Variants in SEPTIN2 observed in about 807,000 individuals in gnomAD.
The protein encoded by SEPTIN2 is septin 2, also known as septin-2.
Under a neutral mutation model 46.5 loss-of-function variants are expected in SEPTIN2, and 34 were observed. The ratio of observed to expected loss-of-function variants is 0.73; its 90% CI spans 0.56 to 0.97. The LOEUF (loss-of-function observed/expected upper bound fraction) is 0.97. SEPTIN2 is among the 50% of genes least tolerant of loss of function. The pLI, the probability that SEPTIN2 is intolerant of heterozygous loss-of-function variation, is 0.00. For missense variants in SEPTIN2, 347 were observed against 448.4 expected (o/e 0.77, Z 2.04); for synonymous variants, 175 against 153.4 (o/e 1.14, Z -1.04).
intron 9 of SEPTIN2, among the ~76,000 whole-genome samples, chr2:241,344,166 TTTG>T (rs2081651239): frequency 6.6e-6 from 1 of 152,070 alleles, no homozygotes; most frequent in Non-Finnish European, 1.5e-5. Flanking sequence ...ATCTTACATC[TTTG>T]ATGTTAAAAG....
At chr2:241,332,380 A>G (rs756496823) in intron 3 of SEPTIN2, among the ~76,000 whole-genome samples, 2 of 152,244 alleles carry the variant, frequency 1.3e-5, no homozygotes, top group South Asian at 4.1e-4. Context: ...TAGACATTTC[A>G]CTAAGGAAGA....
chr2:241,342,904 C>G, intron 7 of SEPTIN2, 88 bp from the exon 8 acceptor site: 1 of 681,782 alleles, frequency 1.5e-6, no homozygotes, highest in South Asian at 1.9e-5. Flanking sequence ...GTATGATTTC[C>G]AATATATTTC....
intron 7 of SEPTIN2, among the ~76,000 whole-genome samples, chr2:241,338,938 A>G (rs1228688853): frequency 3.1e-5 from 3 of 96,584 alleles, no homozygotes; most frequent in South Asian, 2.6e-4. Flanking sequence ...TATATTTATT[A>G]TATATATTAT....
intron 9 of SEPTIN2, 139 bp downstream of exon 9, chr2:241,344,036 T>TCA: frequency 9.3e-7 from 1 of 1,072,324 alleles, no homozygotes; most frequent in Non-Finnish European, 1.4e-6. Flanking sequence ...ATCGCAGAAG[T>TCA]GGTGTGGGGC....
upstream of SEPTIN2, chr2:241,315,906 G>C (rs1223968090): frequency 6.6e-6 from 1 of 152,048 alleles, no homozygotes; most frequent in Non-Finnish European, 1.5e-5. Context: ...GGGCTGGGGC[G>C]GGCTGTGAGC....
At chr2:241,316,357 C>A in intron 1 of SEPTIN2, 1 of 733,380 alleles carries the variant, frequency 1.4e-6, no homozygotes, top group Non-Finnish European at 2.1e-6. Context: ...CAGGTTTAGG[C>A]CCGACAAACA....
At chr2:241,324,386 GTCT>G (rs1559600045) in intron 2 of SEPTIN2, 145 bp downstream of exon 2, 1 of 519,160 alleles carries the variant, frequency 1.9e-6, no homozygotes. Flanking sequence ...TAATTTAGTT[GTCT>G]TTTTTTTTTT....
chr2:241,316,375 C>T (rs974466874), intron 1 of SEPTIN2: 6 of 863,514 alleles, frequency 6.9e-6, no homozygotes, highest in Admixed American at 3.1e-5. Flanking sequence ...ACACTTAGAG[C>T]TTGTGTGGCC....
intron 1 of SEPTIN2, among the ~76,000 whole-genome samples, chr2:241,321,442 T>C (rs929928823): frequency 9.2e-5 from 14 of 152,248 alleles, no homozygotes; most frequent in Non-Finnish European, 2.1e-4. Flanking sequence ...CCACCTTGGC[T>C]GATAGTAGTG....
At chr2:241,317,484 T>C in intron 1 of SEPTIN2, 4 of 969,450 alleles carry the variant, frequency 4.1e-6, no homozygotes, top group Non-Finnish European at 4.9e-6. Context: ...GGCCCCTTTT[T>C]ATCCCCAATA....
intron 3 of SEPTIN2, among the ~76,000 whole-genome samples, chr2:241,331,978 G>A (rs543607610): frequency 6.6e-6 from 1 of 152,270 alleles, no homozygotes; most frequent in East Asian, 1.9e-4. Context: ...GTGGGGGCAA[G>A]TTTAGTCTTT....
At chr2:241,318,702 C>CTTTTTTTTTT (rs1284874061) in intron 1 of SEPTIN2, among the ~76,000 whole-genome samples, 1 of 132,440 alleles carries the variant, frequency 7.6e-6, no homozygotes, top group Non-Finnish European at 1.6e-5. Flanking sequence ...TTTGTATTTT[C>CTTTTTTTTTT]TTTTTTTTTT....
chr2:241,317,943 G>A (rs10200890), intron 1 of SEPTIN2, among the ~76,000 whole-genome samples: 118,289 of 152,026 alleles, frequency 0.78, 46,197 homozygotes, highest in Middle Eastern at 0.85. Context: ...TACATTTTTG[G>A]TCCAATTTGC....
intron 3 of SEPTIN2, among the ~76,000 whole-genome samples, chr2:241,327,282 A>G (rs372564723): frequency 1.5e-4 from 23 of 152,064 alleles, no homozygotes; most frequent in Non-Finnish European, 2.9e-5. Flanking sequence ...AAGGAAAGAT[A>G]CAACAGAAAA....
At chr2:241,328,035 AGAGT>A (rs2078288997) in intron 3 of SEPTIN2, among the ~76,000 whole-genome samples, 1 of 152,218 alleles carries the variant, frequency 6.6e-6, no homozygotes, top group African/African-American at 2.4e-5. Context: ...TCTGGGTGAC[AGAGT>A]GAGACCTTGT....
chr2:241,336,206 TA>T, intron 5 of SEPTIN2, 108 bp downstream of exon 5: 3 of 1,097,926 alleles, frequency 2.7e-6, no homozygotes, highest in Non-Finnish European at 3.9e-6. Context: ...CTGTATATAA[TA>T]AAACACCTAG....
intron 1 of SEPTIN2, among the ~76,000 whole-genome samples, chr2:241,322,548 A>G (rs900453008): frequency 1.3e-5 from 2 of 151,856 alleles, no homozygotes; most frequent in African/African-American, 4.8e-5. Context: ...TGGAGGTTGC[A>G]GTGAGCTGAG....
intron 3 of SEPTIN2, among the ~76,000 whole-genome samples, chr2:241,331,551 C>A (rs942483522): frequency 6.6e-6 from 1 of 152,150 alleles, no homozygotes; most frequent in Non-Finnish European, 1.5e-5. Flanking sequence ...CCACCACGCC[C>A]ATCTAATTTT....
intron 3 of SEPTIN2, among the ~76,000 whole-genome samples, chr2:241,334,113 A>ATCC (rs1226629242): frequency 6.6e-6 from 1 of 152,052 alleles, no homozygotes; most frequent in East Asian, 1.9e-4. Flanking sequence ...GCCTCAAGTG[A>ATCC]TCCTCCAGCC....
Sources: allele counts gnomAD v4.1 joint callset (sites outside exome capture counted in the v4.1 genomes callset), GRCh38; gene constraint gnomAD v4.1.1; transcripts MANE v1.5; gene names NCBI Gene and HGNC (gene_info 2026-07-23, HGNC 2026-07-21).